ENDOD1: variants seen among roughly 807,000 people sequenced by gnomAD.
ENDOD1 encodes endonuclease domain-containing 1 protein.
In ENDOD1, 9 loss-of-function variants were observed where a neutral mutation model predicts 6.5. The ratio of observed to expected loss-of-function variants is 1.39; its 90% confidence interval spans 0.84 to 2.43. The LOEUF (loss-of-function observed/expected upper bound fraction) is 2.43, where lower values mean the gene tolerates loss of function less well. Ranked by LOEUF, ENDOD1 falls within the 30% of genes most tolerant of loss-of-function variation. The pLI, the probability that ENDOD1 is intolerant of heterozygous loss-of-function variation, is 0.00. For missense variants in ENDOD1, 648 were observed against 635.5 expected (o/e 1.02, Z -0.21); for synonymous variants, 255 against 255.2 (o/e 1.00, Z 0.01).
intron 1 of ENDOD1, among the ~76,000 whole-genome samples, chr11:95,092,936 A>C (rs940793662): frequency 6.6e-6 from 1 of 152,234 alleles, no homozygotes; most frequent in Non-Finnish European, 1.5e-5. Context: ...GGACCCGCAC[A>C]CAGGGGAGGA....
intron 1 of ENDOD1, among the ~76,000 whole-genome samples, chr11:95,096,138 A>C (rs1269081535): frequency 2.1e-5 from 3 of 144,782 alleles, no homozygotes; most frequent in South Asian, 2.3e-4. Context: ...TGAAAGTGAA[A>C]ATTTTAGAAA....
chr11:95,104,708 G>A (rs565758567), intron 1 of ENDOD1, among the ~76,000 whole-genome samples: 1 of 152,206 alleles, frequency 6.6e-6, no homozygotes, highest in Non-Finnish European at 1.5e-5. Context: ...TCACAGGCAC[G>A]GGAAAAGAGA....
At chr11:95,092,506 A>G (rs146160197) in intron 1 of ENDOD1, among the ~76,000 whole-genome samples, 1 of 152,290 alleles carries the variant, frequency 6.6e-6, no homozygotes, top group Non-Finnish European at 1.5e-5. Context: ...AATAGTTACA[A>G]ATGGCAGCTT....
In ENDOD1 at chr11:95,090,231, A is replaced by G; in HGVS notation, c.300+4A>G. 2 of 1,370,808 alleles carry G rather than the reference A, an allele frequency of 1.5e-6. No homozygotes were observed. Among genetic ancestry groups the G allele is most frequent in the Non-Finnish European group, 9.5e-7 (1 of 1,053,680 alleles). 84.9% of individuals were successfully genotyped at this position (1,370,808 alleles called of 1,614,324 possible). ...GCGATGGCTGGTGGAGCCGCAGGTA[A>G]GCGAAGTGGTTCCCGAGCCGGGCTG... On this transcript the variant is annotated splice_donor_region_variant and intron_variant, in intron 1 of 1. Transcript: ENST00000278505.
intron 1 of ENDOD1, among the ~76,000 whole-genome samples, chr11:95,107,518 A>G (rs1316517145): frequency 6.6e-6 from 1 of 152,186 alleles, no homozygotes; most frequent in African/African-American, 2.4e-5. Flanking sequence ...CACACAGTCA[A>G]TGCTAAGAAT....
chr11:95,127,801 C>G (rs1012217575), intron 1 of ENDOD1, among the ~76,000 whole-genome samples: 4 of 152,004 alleles, frequency 2.6e-5, no homozygotes, highest in Non-Finnish European at 5.9e-5. Flanking sequence ...GCTCTGTTGC[C>G]CCGGCTGGAG....
At chr11:95,125,008 TC>T (rs1398598374) in intron 1 of ENDOD1, among the ~76,000 whole-genome samples, 1 of 152,064 alleles carries the variant, frequency 6.6e-6, no homozygotes, top group Non-Finnish European at 1.5e-5. Flanking sequence ...TTTTTTATCC[TC>T]CCCTGTTCTC....
chr11:95,091,652 C>T (rs1304927459), intron 1 of ENDOD1, among the ~76,000 whole-genome samples: 2 of 152,218 alleles, frequency 1.3e-5, no homozygotes, highest in Non-Finnish European at 2.9e-5. Context: ...GAACATACGT[C>T]TGAGGAAATC....
intron 1 of ENDOD1, among the ~76,000 whole-genome samples, chr11:95,097,310 A>T (rs1272336023): frequency 6.6e-6 from 1 of 152,184 alleles, no homozygotes; most frequent in Non-Finnish European, 1.5e-5. Context: ...ATAGACATGA[A>T]AGAAGTAAGA....
intron 1 of ENDOD1, among the ~76,000 whole-genome samples, chr11:95,107,701 C>T (rs112400971): frequency 0.014 from 2,120 of 152,026 alleles, 44 homozygotes; most frequent in African/African-American, 0.048. Flanking sequence ...TGCTCTGTCA[C>T]CCAGGCTGGA....
At chr11:95,113,384 C>A (rs1320000485) in intron 1 of ENDOD1, among the ~76,000 whole-genome samples, 1 of 152,126 alleles carries the variant, frequency 6.6e-6, no homozygotes, top group African/African-American at 2.4e-5. Context: ...GTCTCCACCT[C>A]CCCAACACTC....
intron 1 of ENDOD1, among the ~76,000 whole-genome samples, chr11:95,097,907 C>T (rs1001081755): frequency 4.6e-5 from 7 of 152,148 alleles, no homozygotes; most frequent in East Asian, 1.9e-4. Context: ...ATCAAGAACT[C>T]GCTTTTGTTC....
intron 1 of ENDOD1, among the ~76,000 whole-genome samples, chr11:95,101,900 T>C (rs1426841087): frequency 6.6e-6 from 1 of 152,134 alleles, no homozygotes; most frequent in East Asian, 1.9e-4. Flanking sequence ...AAATATAAAG[T>C]CTACCTCATA....
At position 95,132,391 on chromosome 11, in the gene ENDOD1, T is replaced by C. The variant is rs1591023801; in HGVS notation, c.*2812T>C. 2 of 152,756 alleles carry C rather than the reference T, an allele frequency of 1.3e-5. No individual in the cohort carries two copies. The highest frequency in any genetic ancestry group is 4.1e-4 in the South Asian group (2 of 4,828). The allele number at this position is 152,756 out of a possible 1,614,324, so 9.5% of individuals were successfully genotyped here. On this transcript the variant is annotated 3_prime_UTR_variant, in exon 2 of 2. Coordinates refer to ENST00000278505, the MANE Select transcript of ENDOD1 (RefSeq NM_015036.3). The stretch of plus-strand genomic sequence containing the variant: ...ACATCAAGGTTGCAGAGATGAACAA[T>C]GCATGGATTTCATCTTTGAGGAGTT...
At chr11:95,100,865 G>GTTT (rs34680715) in intron 1 of ENDOD1, among the ~76,000 whole-genome samples, 2,798 of 72,056 alleles carry the variant, frequency 0.039, 161 homozygotes, top group Middle Eastern at 0.062. Flanking sequence ...CCTGCTGGGT[G>GTTT]TTTTTTTTTT....
At chr11:95,093,956 G>GT (rs1456564012) in intron 1 of ENDOD1, among the ~76,000 whole-genome samples, 1 of 152,114 alleles carries the variant, frequency 6.6e-6, no homozygotes, top group Non-Finnish European at 1.5e-5. Flanking sequence ...TTCTGGTTTA[G>GT]TGCAGGAAGC....
Position 95,090,230 on chromosome 11 carries a change from A to G in ENDOD1, c.300+3A>G. ...AGCGATGGCTGGTGGAGCCGCAGGT[A>G]AGCGAAGTGGTTCCCGAGCCGGGCT... On this transcript the variant is annotated splice_donor_region_variant and intron_variant, in intron 1 of 1. Coordinates refer to ENST00000278505, the MANE Select transcript of ENDOD1 (RefSeq NM_015036.3). 1.5e-6 allele frequency: 2 copies of G among 1,369,462 alleles called. No homozygotes were observed. The highest frequency in any genetic ancestry group is 3.1e-5 in the East Asian group (1 of 32,224). The allele number at this position is 1,369,462 out of a possible 1,614,324, so 84.8% of individuals were successfully genotyped here.
intron 1 of ENDOD1, among the ~76,000 whole-genome samples, chr11:95,127,302 T>C (rs1859320982): frequency 6.6e-6 from 1 of 151,906 alleles, no homozygotes; most frequent in Non-Finnish European, 1.5e-5. Flanking sequence ...TCATAAATAA[T>C]ATTGAATTTT....
At chr11:95,103,994 C>T (rs1300477168) in intron 1 of ENDOD1, among the ~76,000 whole-genome samples, 4 of 152,220 alleles carry the variant, frequency 2.6e-5, no homozygotes, top group Non-Finnish European at 4.4e-5. Flanking sequence ...TCTGTCACCA[C>T]CTTGCTCGTG....
Sources: allele counts gnomAD v4.1 joint callset (sites outside exome capture counted in the v4.1 genomes callset), GRCh38; gene constraint gnomAD v4.1.1; transcripts MANE v1.5; gene names NCBI Gene and HGNC (gene_info 2026-07-23, HGNC 2026-07-21).